SSBP3: variants seen among roughly 807,000 people sequenced by gnomAD.
SSBP3 encodes the protein single stranded DNA binding protein 3.
Under a neutral mutation model 69.6 loss-of-function variants are expected in SSBP3, and 5 were observed. The ratio of observed to expected loss-of-function variants is 0.07; its 90% confidence interval spans 0.04 to 0.15. SSBP3 has a LOEUF of 0.15. SSBP3 is among the 10% of genes least tolerant of loss of function. The pLI, the probability that SSBP3 is intolerant of heterozygous loss-of-function variation, is 1.00. For synonymous variants in SSBP3, 196 were observed against 193.4 expected (o/e 1.01, Z -0.11); for missense variants, 312 against 534.0 (o/e 0.58, Z 4.10).
chr1:54,396,622 G>C lies in SSBP3; in HGVS notation c.276+5239C>G, dbSNP rs557834175. The stretch of plus-strand genomic sequence containing the variant: ...AAATAGAGACGACCTAAGGAACTGT[G>C]GGGAGAGCTGGGTATCTCCCAGCTC... On this transcript the variant is annotated intron_variant, in intron 4 of 17. Coordinates refer to ENST00000610401, the Ensembl canonical transcript of SSBP3. Among the ~76,000 whole-genome samples the C allele has an allele frequency of 1.1e-4, 17 of 152,232 alleles. 1 individual carries two copies. The South Asian group carries it at 3.5e-3, about 32-fold the overall frequency.
intron 4 of SSBP3, among the ~76,000 whole-genome samples, chr1:54,394,925 G>A (rs933575821): frequency 2.4e-4 from 37 of 151,360 alleles, no homozygotes; most frequent in Admixed American, 2.3e-3. Context: ...GGATGGTCTC[G>A]ATCTCCTGAA....
chr1:54,335,556 T>C (rs1646494015), intron 4 of SSBP3, among the ~76,000 whole-genome samples: 2 of 152,318 alleles, frequency 1.3e-5, no homozygotes, highest in African/African-American at 2.4e-5. Context: ...GAAGATCATG[T>C]GTCCGGCCAG....
intron 4 of SSBP3, among the ~76,000 whole-genome samples, chr1:54,315,479 A>G (rs1163636976): frequency 6.6e-6 from 1 of 152,136 alleles, no homozygotes; most frequent in Non-Finnish European, 1.5e-5. Flanking sequence ...TTTCATCTAG[A>G]GCAAGCAAAA....
At chr1:54,228,554 C>A in intron 15 of SSBP3, 77 bp from the exon 16 acceptor site, 1 of 1,591,364 alleles carries the variant, frequency 6.3e-7, no homozygotes, top group South Asian at 1.1e-5. Flanking sequence ...CTGGGCTCCT[C>A]GGGCCTCTAA....
intron 4 of SSBP3, among the ~76,000 whole-genome samples, chr1:54,282,605 C>T (rs1226067206): frequency 6.6e-6 from 1 of 152,194 alleles, no homozygotes; most frequent in Non-Finnish European, 1.5e-5. Context: ...AGGTGGTCGG[C>T]GCGTCTGTGC....
chr1:54,362,512 A>G (rs944286706), intron 4 of SSBP3, among the ~76,000 whole-genome samples: 11 of 152,240 alleles, frequency 7.2e-5, no homozygotes. Context: ...ATGGCCACAG[A>G]TAGTCTACTT....
chr1:54,373,784 A>C (rs79800990), intron 4 of SSBP3, among the ~76,000 whole-genome samples: 1 of 150,892 alleles, frequency 6.6e-6, no homozygotes, highest in Non-Finnish European at 1.5e-5. Flanking sequence ...AAAAAAAAAA[A>C]AACAGGAATG....
chr1:54,345,999 AC>A lies in SSBP3; in HGVS notation c.276+55861del, dbSNP rs1257543896. On this transcript the variant is annotated intron_variant, in intron 4 of 17. Transcript: ENST00000610401. ...TCCACAAAAATACAAAAAAAAAAAA[AC>A]AAAACAAAAACAATTAGCCAAGTGT... Among the ~76,000 whole-genome samples, 463 of 150,606 alleles carry A rather than the reference AC, an allele frequency of 3.1e-3. 5 individuals carry two copies. The highest frequency in any genetic ancestry group is 0.011 in the African/African-American group (442 of 40,704).
At chr1:54,241,613 C>T in intron 11 of SSBP3, 104 bp from the exon 12 acceptor site, 2 of 1,273,528 alleles carry the variant, frequency 1.6e-6, no homozygotes, top group Non-Finnish European at 2.3e-6. Context: ...AAGGCATCGC[C>T]ACCCAGTGAG....
At position 54,254,528 on chromosome 1, in the gene SSBP3, C is replaced by T. The variant is rs572920429; in HGVS notation, c.507+2599G>A. On this transcript the variant is annotated intron_variant, in intron 7 of 17. Transcript: ENST00000610401. ...GCCTCGTAAGACCCTGAGGCCACATCACTGACCCTTTGCTTCTTGTTTCCC... is the reference window on the plus strand; with the variant it reads ...GCCTCGTAAGACCCTGAGGCCACATTACTGACCCTTTGCTTCTTGTTTCCC... 2.6e-5 allele frequency among the ~76,000 whole-genome samples: 4 copies of T among 152,360 alleles called. No individual in the cohort carries two copies. The East Asian group carries it at 7.7e-4, about 29-fold the overall frequency.
chr1:54,228,231 C>T, intron 17 of SSBP3, 24 bp downstream of exon 17: 2 of 1,608,452 alleles, frequency 1.2e-6, no homozygotes, highest in Non-Finnish European at 8.5e-7. Flanking sequence ...GGGACGAGAG[C>T]AACAGGCAGG....
chr1:54,228,477 C>T, exon 16 of SSBP3: 2 of 1,614,178 alleles, frequency 1.2e-6, no homozygotes, highest in Non-Finnish European at 1.7e-6. Context: ...GTCGCCTGAC[C>T]CTGGAAAGAA....
At chr1:54,234,755 C>T (rs933626910) in intron 14 of SSBP3, among the ~76,000 whole-genome samples, 1 of 150,824 alleles carries the variant, frequency 6.6e-6, no homozygotes, top group Non-Finnish European at 1.5e-5. Flanking sequence ...TTTAGGACAT[C>T]CTTTTTATAA....
At chr1:54,403,286 T>A (rs571991928) in intron 3 of SSBP3, among the ~76,000 whole-genome samples, 1 of 152,288 alleles carries the variant, frequency 6.6e-6, no homozygotes, top group African/African-American at 2.4e-5. Context: ...CTGGAGAACA[T>A]TCCTTTCTGT....
chr1:54,304,722 T>G (rs1645866293), intron 4 of SSBP3, among the ~76,000 whole-genome samples: 1 of 152,150 alleles, frequency 6.6e-6, no homozygotes, highest in Non-Finnish European at 1.5e-5. Flanking sequence ...CAAGGAACAC[T>G]GCTGGTGCAA....
chr1:54,267,920 C>A (rs1645128962), intron 5 of SSBP3, among the ~76,000 whole-genome samples: 1 of 152,188 alleles, frequency 6.6e-6, no homozygotes, highest in African/African-American at 2.4e-5. Context: ...AAATTAAAGA[C>A]AGGGTCTTGC....
rs571103687 is a variant in SSBP3 at position 54,234,691 on chromosome 1, T to A, written c.927+4438A>T. On this transcript the variant is annotated intron_variant, in intron 14 of 17. Transcript: ENST00000610401. ...TCTGCCCTAGGATACATTAGAACAT[T>A]CTGCTCTGCTTTCTTTCCCACTGGT... is the stretch of plus-strand genomic sequence containing the variant. Among the ~76,000 whole-genome samples, 26 of 152,214 alleles carry A rather than the reference T, an allele frequency of 1.7e-4. No homozygotes were observed. In the South Asian group the frequency reaches 5.4e-3, roughly 32 times the overall value.
chr1:54,359,488 T>TA (rs1053258729), intron 4 of SSBP3, among the ~76,000 whole-genome samples: 5 of 152,166 alleles, frequency 3.3e-5, no homozygotes, highest in African/African-American at 1.2e-4. Context: ...GTCTTTCCTT[T>TA]AAAAAAGCAC....
chr1:54,369,222 G>GA lies in SSBP3; in HGVS notation c.276+32638_276+32639insT, dbSNP rs997615916. On this transcript the variant is annotated intron_variant, in intron 4 of 17. Transcript: ENST00000610401. ...TGGGAAAAAGTCCTCTTGAGTCGGGGGGGGGGCCCAAGCCAGGCTCCCTGG... is the reference window on the plus strand; with the variant it reads ...TGGGAAAAAGTCCTCTTGAGTCGGGGAGGGGGGCCCAAGCCAGGCTCCCTGG... 4.0e-5 allele frequency among the ~76,000 whole-genome samples: 6 copies of GA among 150,892 alleles called. No homozygotes were observed. The South Asian group carries it at 6.4e-4, about 16-fold the overall frequency.
Sources: allele counts gnomAD v4.1 joint callset (sites outside exome capture counted in the v4.1 genomes callset), GRCh38; gene constraint gnomAD v4.1.1; transcripts MANE v1.5; gene names NCBI Gene and HGNC (gene_info 2026-07-23, HGNC 2026-07-21).